Variants in DNMT3A observed in about 807,000 individuals in gnomAD.
DNMT3A encodes DNA methyltransferase 3 alpha, also known as DNA (cytosine-5)-methyltransferase 3A.
DNMT3A carries 267 observed loss-of-function variants against 117.6 expected under a neutral mutation model. That is an observed-to-expected ratio of 2.27 (90% CI 2.05 to 2.51). The LOEUF (loss-of-function observed/expected upper bound fraction) is 2.51. Among genes scored for constraint, DNMT3A ranks in the 30% most tolerant of loss-of-function variants. The probability of loss-of-function intolerance (pLI) is 0.00; values close to 1 mark genes in which losing one functional copy is unlikely to be tolerated. For missense variants in DNMT3A, 1,029 were observed against 1,260.2 expected, an observed-to-expected ratio of 0.82 and a Z score of 2.78; for synonymous variants, 432 against 474.8, an observed-to-expected ratio of 0.91 and a Z score of 1.17.
intron 2 of DNMT3A, among the ~76,000 whole-genome samples, chr2:25,302,133 C>A (rs76732317): frequency 4.6e-5 from 7 of 151,986 alleles, no homozygotes; most frequent in Admixed American, 4.6e-4. Context: ...CAGAGGTGCC[C>A]GGTCTTAGCA....
chr2:25,256,493 G>A (rs1676151629), intron 6 of DNMT3A, among the ~76,000 whole-genome samples: 1 of 152,164 alleles, frequency 6.6e-6, no homozygotes, highest in African/African-American at 2.4e-5. Flanking sequence ...GGCTGCATGT[G>A]TCTATTTGAA....
intron 1 of DNMT3A, among the ~76,000 whole-genome samples, chr2:25,326,100 TGA>T (rs2034774422): frequency 8.1e-6 from 1 of 123,944 alleles, no homozygotes; most frequent in African/African-American, 3.4e-5. Context: ...TCTATTAACT[TGA>T]TATATATGTG....
rs1380853143 is a variant in DNMT3A at position 25,282,564 on chromosome 2, C to A, written c.325G>T (p.Gly109Trp). ...TCTGCTGGGGCCCCGCCCTTCTGCCCCCCAGCAGGGCTCCCCTCCTCTGGC... is the reference window on the plus strand; with the variant it reads ...TCTGCTGGGGCCCCGCCCTTCTGCCACCCAGCAGGGCTCCCCTCCTCTGGC... Reference protein sequence around the residue: ...PQPEEGSPAGGQKGGAPAEGE... With the variant: ...PQPEEGSPAGWQKGGAPAEGE... Residue 109 changes from glycine (G) to tryptophan (W), a missense_variant, in exon 4 of 23, where the codon GGG (glycine) becomes TGG (tryptophan). Transcript: ENST00000321117. This position sits in a 1 kb window ranked among gnomAD's most constrained non-coding sequence, Gnocchi z 5.2. 1 of 1,613,548 alleles carries A rather than the reference C, an allele frequency of 6.2e-7. No homozygotes were observed. Among genetic ancestry groups the A allele is most frequent in the South Asian group, 1.1e-5 (1 of 91,030 alleles).
Position 25,234,166 on chromosome 2 carries a change from T to C in DNMT3A, c.*113A>G, listed in dbSNP as rs1373997478. On this transcript the variant is annotated 3_prime_UTR_variant, in exon 23 of 23. Coordinates refer to ENST00000321117, the MANE Select transcript of DNMT3A (RefSeq NM_022552.5). This position sits in a 1 kb window ranked among gnomAD's most constrained non-coding sequence, Gnocchi z 4.5. ...TTTTGTTTTAAATTCCTTTTTCTCT[T>C]CTGGGTGCTGATACTTCTCTCCATC... is the stretch of plus-strand genomic sequence containing the variant. The C allele has an allele frequency of 1.4e-6, 2 of 1,457,314 alleles. No individual in the cohort carries two copies. The highest frequency in any genetic ancestry group is 1.8e-6 in the Non-Finnish European group (2 of 1,096,356). 90.3% of individuals were successfully genotyped at this position (1,457,314 alleles called of 1,614,324 possible).
chr2:25,310,450 G>A (rs1321188181), intron 2 of DNMT3A, among the ~76,000 whole-genome samples: 1 of 151,888 alleles, frequency 6.6e-6, no homozygotes, highest in African/African-American at 2.4e-5. Context: ...AAGCAGCCCT[G>A]CTCTGCCCAC....
At chr2:25,241,463 A>G in intron 17 of DNMT3A, 99 bp downstream of exon 17, 2 of 1,467,324 alleles carry the variant, frequency 1.4e-6, no homozygotes, top group Non-Finnish European at 1.8e-6. Flanking sequence ...GTGAAGAGAA[A>G]GAGGGCAAAT....
chr2:25,230,082 C>G lies in DNMT3A; in HGVS notation c.*4197G>C, dbSNP rs528931830. The G allele has an allele frequency of 6.6e-6, 1 of 152,370 alleles. No homozygotes were observed. The highest frequency in any genetic ancestry group is 2.4e-5 in the African/African-American group (1 of 41,578). The allele number at this position is 152,370 out of a possible 1,614,324, so 9.4% of individuals were successfully genotyped here. The stretch of plus-strand genomic sequence containing the variant: ...CTCTACCAGTCAATCACACCCAGGC[C>G]TGTTTCAAAAGCTAACAGGTCCCGG... On this transcript the variant is annotated 3_prime_UTR_variant, in exon 23 of 23. Coordinates refer to ENST00000321117, the MANE Select transcript of DNMT3A (RefSeq NM_022552.5).
At chr2:25,300,304 G>T (rs2033357058) in intron 2 of DNMT3A, 61 bp from the exon 3 acceptor site, 1 of 1,556,166 alleles carries the variant, frequency 6.4e-7, no homozygotes, top group Non-Finnish European at 8.7e-7. Context: ...AGCATTCCAG[G>T]CCTGTCTGGG....
chr2:25,245,665 A>G (rs1674667437), intron 12 of DNMT3A, among the ~76,000 whole-genome samples: 1 of 152,176 alleles, frequency 6.6e-6, no homozygotes, highest in Non-Finnish European at 1.5e-5. Flanking sequence ...TCCCAGGCCG[A>G]GGGTCCTGAG....
At position 25,252,147 on chromosome 2, in the gene DNMT3A, C is replaced by A; in HGVS notation, c.640-3895G>T. 6.5e-7 allele frequency: 1 copy of A among 1,547,524 alleles called. No homozygotes were observed. Among genetic ancestry groups the A allele is most frequent in the South Asian group, 1.2e-5 (1 of 83,304 alleles). ...TGCGGAGATCCTCCCACCGGCCCTG[C>A]CGCCTCCCCGCCCCCGGTCTCCCCG... On this transcript the variant is annotated intron_variant, in intron 6 of 22. Coordinates refer to ENST00000321117, the MANE Select transcript of DNMT3A (RefSeq NM_022552.5). The surrounding 1 kb of genome is among the most constrained non-coding windows in gnomAD (Gnocchi z 5.5).
chr2:25,262,694 C>A (rs1476684550), intron 6 of DNMT3A, among the ~76,000 whole-genome samples: 1 of 152,184 alleles, frequency 6.6e-6, no homozygotes, highest in Non-Finnish European at 1.5e-5. Context: ...GGTTATCTTC[C>A]TAAACTATGT....
intron 1 of DNMT3A, 60 bp downstream of exon 1, chr2:25,341,766 C>T: frequency 1.0e-6 from 1 of 969,486 alleles, no homozygotes. Flanking sequence ...CCGCCCGGCT[C>T]CCCGGCTCCC....
At chr2:25,297,039 C>T (rs972965180) in intron 3 of DNMT3A, among the ~76,000 whole-genome samples, 10 of 152,142 alleles carry the variant, frequency 6.6e-5, no homozygotes, top group African/African-American at 2.2e-4. Context: ...TTCCCAGGGC[C>T]ACAGCTGCAA....
intron 3 of DNMT3A, among the ~76,000 whole-genome samples, chr2:25,285,987 G>A (rs1351348507): frequency 6.6e-6 from 1 of 152,212 alleles, no homozygotes; most frequent in Non-Finnish European, 1.5e-5. Context: ...GAGCTAAGAA[G>A]CTTAGGTCAG....
In DNMT3A at chr2:25,304,303, T is replaced by C. The variant is rs1371491067; in HGVS notation, c.73-4060A>G. The stretch of plus-strand genomic sequence containing the variant: ...TGCTTTCCTCATCTATAAAATGGGA[T>C]GATATCTACTTCACAGTGATGTTAT... On this transcript the variant is annotated intron_variant, in intron 2 of 22. Coordinates refer to ENST00000321117, the MANE Select transcript of DNMT3A (RefSeq NM_022552.5). This position sits in a 1 kb window ranked among gnomAD's most constrained non-coding sequence, Gnocchi z 4.3. Among the ~76,000 whole-genome samples the C allele has an allele frequency of 6.6e-6, 1 of 152,222 alleles. No homozygotes were observed. The highest frequency in any genetic ancestry group is 2.4e-5 in the African/African-American group (1 of 41,440).
At chr2:25,278,936 G>T (rs1174662583) in intron 4 of DNMT3A, among the ~76,000 whole-genome samples, 1 of 152,180 alleles carries the variant, frequency 6.6e-6, no homozygotes, top group African/African-American at 2.4e-5. Flanking sequence ...TCTTTAAAAT[G>T]CAGATTCTGA....
intron 22 of DNMT3A, 141 bp downstream of exon 22, chr2:25,235,566 G>T: frequency 5.9e-6 from 4 of 676,286 alleles, no homozygotes; most frequent in Non-Finnish European, 1.0e-5. Flanking sequence ...AGTCTGCCAT[G>T]TTGGGAAATG....
chr2:25,241,989 CA>C (rs1224300896), intron 16 of DNMT3A: 1 of 445,842 alleles, frequency 2.2e-6, no homozygotes, highest in Non-Finnish European at 3.9e-6. Context: ...GGAAGAATCA[CA>C]GCTGACTTTT....
chr2:25,273,843 G>A (rs139459180), intron 6 of DNMT3A, among the ~76,000 whole-genome samples: 4 of 152,258 alleles, frequency 2.6e-5, no homozygotes, highest in Admixed American at 6.5e-5. Flanking sequence ...GGAAAACCCC[G>A]TGCTTCCCCA....
Sources: gnomAD v4.1 joint callset for allele counts (sites outside exome capture counted in the v4.1 genomes callset) on GRCh38, gnomAD v4.1.1 for gene constraint, Gnocchi (gnomAD v3.1) non-coding constraint, MANE v1.5 for transcripts, NCBI Gene and HGNC (gene_info 2026-07-23, HGNC 2026-07-21) for gene names.